SAMD7: variants seen among roughly 807,000 people sequenced by gnomAD.
The protein encoded by SAMD7 is sterile alpha motif domain containing 7.
SAMD7 carries 34 observed loss-of-function variants against 36.7 expected under a neutral mutation model. The observed-to-expected ratio is 0.93, with a 90% CI of 0.71 to 1.23. The LOEUF is 1.23. SAMD7 is among the 50% of genes most tolerant of loss of function. The pLI, the probability that SAMD7 is intolerant of heterozygous loss-of-function variation, is 0.00. For missense variants in SAMD7, 570 were observed against 546.6 expected, an observed-to-expected ratio of 1.04 and a Z score of -0.43; for synonymous variants, 188 against 189.7, an observed-to-expected ratio of 0.99 and a Z score of 0.07.
rs932192004 is a variant in SAMD7, at chr3:169,926,751, C to A, written c.489C>A (p.Asn163Lys). The A allele has an allele frequency of 6.2e-7, 1 of 1,613,992 alleles. No individual in the cohort carries two copies. Residue 163 changes from asparagine (N) to lysine (K), a missense_variant, in exon 6 of 9, where the codon AAC becomes AAA. Asn to Lys is a moderately conservative substitution (Grantham distance 94, BLOSUM62 0). Coordinates refer to ENST00000335556, the MANE Select transcript of SAMD7 (RefSeq NM_001304366.2). Reference protein sequence around the residue: ...HRSTLRNLQGNPMLAATAPHF... With the variant: ...HRSTLRNLQGKPMLAATAPHF... ...GCACCCTCAGAAACCTTCAGGGAAA[C>A]CCCATGCTAGCGGCAACTGCACCAC...
chr3:169,938,704 C>T lies in SAMD7; in HGVS notation c.*198C>T, dbSNP rs896149463. On this transcript the variant is annotated 3_prime_UTR_variant, in exon 9 of 9. Transcript: ENST00000335556. The stretch of plus-strand genomic sequence containing the variant: ...GACCCCAGCACCAAATGACTGGAGA[C>T]GCATCCTTAGGAGCAAATGCTAATG... 3.5e-5 allele frequency: 15 copies of T among 426,180 alleles called. No individual in the cohort carries two copies. The highest frequency in any genetic ancestry group is 1.4e-4 in the East Asian group (4 of 28,730). 26.4% of individuals were successfully genotyped at this position (426,180 alleles called of 1,614,324 possible). A position where few individuals can be genotyped will look rare whatever the true frequency, so the allele number is the denominator to read the frequency against.
At chr3:169,918,213 C>T (rs967458586) in intron 2 of SAMD7, among the ~76,000 whole-genome samples, 2 of 152,214 alleles carry the variant, frequency 1.3e-5, no homozygotes, top group African/African-American at 4.8e-5. Flanking sequence ...GCTGGGATGA[C>T]AGGCATGAGC....
intron 7 of SAMD7, chr3:169,932,217 G>T (rs899323410): frequency 1.7e-5 from 14 of 825,580 alleles, no homozygotes; most frequent in Middle Eastern, 2.4e-4. Flanking sequence ...CAGCCCAGTG[G>T]GTGGTTCCCC....
At position 169,928,532 on chromosome 3, in the gene SAMD7, T is replaced by C. The variant is rs1374578637; in HGVS notation, c.995T>C (p.Val332Ala). The C allele has an allele frequency of 6.2e-7, 1 of 1,614,098 alleles. No individual in the cohort carries two copies. Reference sequence around the variant, plus strand: ...ATTCAGAAGTGGACCGTGGATGATGTGCACAGCTTCATTCGCAGCCTTCCA... The same window carrying C: ...ATTCAGAAGTGGACCGTGGATGATGCGCACAGCTTCATTCGCAGCCTTCCA... ...EDIQKWTVDDVHSFIRSLPGC... is the reference protein window; with the variant it reads ...EDIQKWTVDDAHSFIRSLPGC... Residue 332 changes from valine to alanine, a missense_variant, in exon 7 of 9, where the codon GTG (valine) becomes GCG (alanine). Coordinates refer to ENST00000335556, the MANE Select transcript of SAMD7 (RefSeq NM_001304366.2).
intron 3 of SAMD7, among the ~76,000 whole-genome samples, chr3:169,920,671 G>GT (rs999669578): frequency 4.6e-5 from 7 of 152,012 alleles, no homozygotes; most frequent in East Asian, 1.9e-4. Flanking sequence ...ACCTTCCCTT[G>GT]TTTTTTTGTT....
intron 6 of SAMD7, 72 bp from the exon 7 acceptor site, chr3:169,928,385 A>G: frequency 7.4e-7 from 1 of 1,355,242 alleles, no homozygotes. Context: ...GGGTGATAGA[A>G]TATAAGGAAA....
intron 6 of SAMD7, among the ~76,000 whole-genome samples, chr3:169,927,931 A>C (rs1461835841): frequency 2.6e-5 from 4 of 152,196 alleles, no homozygotes; most frequent in Non-Finnish European, 5.9e-5. Context: ...GATACTTTCA[A>C]ATTTAAAAAT....
intron 4 of SAMD7, among the ~76,000 whole-genome samples, chr3:169,923,110 C>G (rs923028281): frequency 6.6e-6 from 1 of 152,194 alleles, no homozygotes; most frequent in Non-Finnish European, 1.5e-5. Context: ...TAAGTTTATG[C>G]TTATCCCTGC....
At chr3:169,925,451 G>C (rs1007740654) in intron 5 of SAMD7, among the ~76,000 whole-genome samples, 2 of 152,172 alleles carry the variant, frequency 1.3e-5, no homozygotes, top group African/African-American at 4.8e-5. Context: ...TCACGGCCGG[G>C]CACAGTGGCT....
At chr3:169,916,657 C>T (rs1712815311) in intron 2 of SAMD7, among the ~76,000 whole-genome samples, 1 of 151,960 alleles carries the variant, frequency 6.6e-6, no homozygotes, top group African/African-American at 2.4e-5. Context: ...CAAAACAAAA[C>T]AAAAAACAAA....
At position 169,921,226 on chromosome 3, in the gene SAMD7, T is replaced by TTC; in HGVS notation, c.100_101dup (p.Thr35ProfsTer3). ...TTTTTGTTCTCAGAGATGTATTGCCTTCCACCGTAGCTCCAACTGACCCAA... is the reference window on the plus strand; with the variant it reads ...TTTTTGTTCTCAGAGATGTATTGCCTTCTCCACCGTAGCTCCAACTGACCCAA... On this transcript the variant is annotated frameshift_variant, in exon 4 of 9. Transcript: ENST00000335556. LOFTEE classifies it high-confidence loss of function. The TTC allele has an allele frequency of 6.2e-7, 1 of 1,613,998 alleles. No homozygotes were observed.
intron 7 of SAMD7, among the ~76,000 whole-genome samples, chr3:169,930,301 C>T (rs1351226473): frequency 1.3e-5 from 2 of 152,126 alleles, no homozygotes; most frequent in East Asian, 1.9e-4. Context: ...TTTCTAGATA[C>T]GTCTCAAATT....
rs1323649357 is a variant in SAMD7, at chr3:169,928,579, G to A, written c.1041+1G>A. 1 of 1,612,082 alleles carries A rather than the reference G, an allele frequency of 6.2e-7. No homozygotes were observed. The highest frequency in any genetic ancestry group is 1.1e-5 in the South Asian group (1 of 90,454). ...TCCAGGTTGTTCAGACTATGCTCAG[G>A]TGACTTAATGTTTAAGTATTTCCAT... On this transcript the variant is annotated splice_donor_variant, in intron 7 of 8. Coordinates refer to ENST00000335556, the MANE Select transcript of SAMD7 (RefSeq NM_001304366.2). LOFTEE classifies it high-confidence loss of function.
intron 4 of SAMD7, among the ~76,000 whole-genome samples, chr3:169,922,587 C>A (rs925970837): frequency 6.6e-6 from 1 of 152,188 alleles, no homozygotes; most frequent in Admixed American, 6.5e-5. Context: ...GCAACCTTTG[C>A]CTCCCTGGTT....
rs576839744 is a variant in SAMD7, at chr3:169,924,571, A to G, written c.212-487A>G. 1.9e-4 allele frequency among the ~76,000 whole-genome samples: 29 copies of G among 152,282 alleles called. No homozygotes were observed. The South Asian group carries it at 5.8e-3, about 30-fold the overall frequency. ...CACTGCACTTTAGCCTGGATGACAG[A>G]GCGAGACTCTGTCTCAAAAAAAAGG... is the stretch of plus-strand genomic sequence containing the variant. On this transcript the variant is annotated intron_variant, in intron 4 of 8. Coordinates refer to ENST00000335556, the MANE Select transcript of SAMD7 (RefSeq NM_001304366.2).
intron 7 of SAMD7, chr3:169,933,114 C>G: frequency 1.2e-6 from 1 of 852,624 alleles, no homozygotes; most frequent in Admixed American, 1.7e-5. Flanking sequence ...GCTCTCTGAT[C>G]CTCGTCTGGA....
chr3:169,922,707 C>T (rs1222159190), intron 4 of SAMD7, among the ~76,000 whole-genome samples: 1 of 152,164 alleles, frequency 6.6e-6, no homozygotes, highest in Non-Finnish European at 1.5e-5. Context: ...ACCCTGTTGG[C>T]CATGCTGGTC....
At chr3:169,920,428 C>T (rs995919567) in intron 3 of SAMD7, among the ~76,000 whole-genome samples, 3 of 152,146 alleles carry the variant, frequency 2.0e-5, no homozygotes, top group African/African-American at 7.2e-5. Context: ...CTAGTACTAT[C>T]GGATTAGGGC....
intron 7 of SAMD7, chr3:169,932,908 C>A: frequency 1.6e-6 from 1 of 636,614 alleles, no homozygotes. Flanking sequence ...ATAATGAGGG[C>A]GCCAGTATGC....
Sources: gnomAD v4.1 joint callset for allele counts (sites outside exome capture counted in the v4.1 genomes callset) on GRCh38, gnomAD v4.1.1 for gene constraint, MANE v1.5 for transcripts, NCBI Gene and HGNC (gene_info 2026-07-23, HGNC 2026-07-21) for gene names.